MAPDA: variants seen among roughly 807,000 people sequenced by gnomAD.
The protein encoded by MAPDA is N6,N6-dimethyl-AMP deaminase.
the MAPDA span, chr15:43,330,502 C>T: frequency 6.6e-7 from 1 of 1,513,762 alleles, no homozygotes; most frequent in Admixed American, 2.4e-5. Context: ...CCAGAAGAGA[C>T]TCAGGAATGG....
the MAPDA span, chr15:43,352,111 A>G: frequency 1.8e-6 from 1 of 563,392 alleles, no homozygotes; most frequent in Admixed American, 3.7e-5. Flanking sequence ...ACGTGTCTTC[A>G]ACTGACTCAC....
the MAPDA span, among the ~76,000 whole-genome samples, chr15:43,340,989 T>A: frequency 1.3e-5 from 2 of 152,200 alleles, no homozygotes; most frequent in Admixed American, 6.5e-5. Flanking sequence ...GGGAATAGTT[T>A]CTTAGGCCAG....
At chr15:43,340,364 A>G in the MAPDA span, 1 of 1,605,342 alleles carries the variant, frequency 6.2e-7, no homozygotes, top group South Asian at 1.1e-5. Flanking sequence ...TAGAATTTAT[A>G]CTTCTCAGCA....
the MAPDA span, among the ~76,000 whole-genome samples, chr15:43,347,808 A>G: frequency 2.0e-5 from 3 of 152,200 alleles, no homozygotes. Context: ...TGATTTAAAG[A>G]TTAGGGAAAA....
At chr15:43,335,623 C>A in the MAPDA span, 2 of 1,477,990 alleles carry the variant, frequency 1.4e-6, no homozygotes, top group East Asian at 2.4e-5. Context: ...TGCAAACTAC[C>A]AACATTAAGT....
the MAPDA span, chr15:43,348,829 G>A: frequency 1.4e-6 from 2 of 1,472,950 alleles, no homozygotes; most frequent in Non-Finnish European, 1.8e-6. Context: ...AGAGGGGCAG[G>A]GTACCTAGCT....
chr15:43,330,536 C>T, the MAPDA span: 2 of 1,505,160 alleles, frequency 1.3e-6, no homozygotes, highest in African/African-American at 1.4e-5. Flanking sequence ...TTGTGAGCCG[C>T]CCCTTGGTTA....
chr15:43,349,100 C>G, the MAPDA span: 15 of 1,612,042 alleles, frequency 9.3e-6, no homozygotes, highest in Non-Finnish European at 1.3e-5. Flanking sequence ...CCCCCAATCC[C>G]CAGGTTGCCT....
the MAPDA span, among the ~76,000 whole-genome samples, chr15:43,337,448 T>TC: frequency 3.9e-5 from 6 of 152,290 alleles, no homozygotes; most frequent in African/African-American, 1.4e-4. Context: ...AATTGTGCTT[T>TC]CCCTCTGAGG....
chr15:43,337,233 G>A, the MAPDA span, among the ~76,000 whole-genome samples: 40,702 of 143,346 alleles, frequency 0.28, 8,727 homozygotes, highest in African/African-American at 0.6. Context: ...CCGAGATCGC[G>A]CCACCGCACT....
chr15:43,352,003 C>T, the MAPDA span: 1 of 1,492,830 alleles, frequency 6.7e-7, no homozygotes. Context: ...CTGCCATATC[C>T]CACTTAGTAA....
the MAPDA span, among the ~76,000 whole-genome samples, chr15:43,347,586 G>A: frequency 6.6e-6 from 1 of 152,184 alleles, no homozygotes; most frequent in Non-Finnish European, 1.5e-5. Flanking sequence ...GATAATTGCT[G>A]GGAAGTAGTC....
the MAPDA span, among the ~76,000 whole-genome samples, chr15:43,333,147 C>T: frequency 4.3e-3 from 650 of 152,202 alleles, 12 homozygotes; most frequent in East Asian, 0.039. Context: ...TCTGGCCGGG[C>T]GCAGTGGCTC....
the MAPDA span, among the ~76,000 whole-genome samples, chr15:43,339,025 G>A: frequency 6.6e-6 from 1 of 152,222 alleles, no homozygotes; most frequent in African/African-American, 2.4e-5. Context: ...GTGAGCTGGG[G>A]TAGCTGAGTG....
chr15:43,333,474 G>A, the MAPDA span: 1 of 150,126 alleles, frequency 6.7e-6, no homozygotes, highest in Non-Finnish European at 1.5e-5. Context: ...TATGTTTTTC[G>A]GTAGAGATAT....
chr15:43,342,124 C>A, the MAPDA span, among the ~76,000 whole-genome samples: 1 of 152,102 alleles, frequency 6.6e-6, no homozygotes. Flanking sequence ...CAGGCATGAG[C>A]CACCACACCC....
At chr15:43,346,101 A>T in the MAPDA span, 1 of 1,358,912 alleles carries the variant, frequency 7.4e-7, no homozygotes, top group Non-Finnish European at 1.0e-6. Flanking sequence ...CATTCTGTGG[A>T]TGAAGGCCTG....
the MAPDA span, chr15:43,349,253 C>T: frequency 1.7e-5 from 22 of 1,289,696 alleles, no homozygotes; most frequent in Middle Eastern, 5.9e-4. Context: ...AGGGCCCCTG[C>T]TTGTCTTATT....
At chr15:43,330,407 G>T in the MAPDA span, 1 of 1,572,410 alleles carries the variant, frequency 6.4e-7, no homozygotes, top group Non-Finnish European at 8.6e-7. Flanking sequence ...CCCGCGCGCG[G>T]CCAGGGAACG....
Sources: allele counts gnomAD v4.1 joint callset (sites outside exome capture counted in the v4.1 genomes callset), GRCh38; gene constraint gnomAD v4.1.1; transcripts MANE v1.5; gene names NCBI Gene and HGNC (gene_info 2026-07-23, HGNC 2026-07-21).